Variants in SLC4A4 observed in about 807,000 individuals in gnomAD.
SLC4A4 encodes solute carrier family 4 member 4, also known as electrogenic sodium bicarbonate cotransporter 1.
A neutral mutation model predicts 111.5 loss-of-function variants in SLC4A4; 27 were observed. The ratio of observed to expected loss-of-function variants is 0.24; its 90% CI spans 0.18 to 0.33. The LOEUF is 0.33. SLC4A4 is among the 10% of genes least tolerant of loss of function. SLC4A4 has a pLI of 1.00. For missense variants in SLC4A4, 909 were observed against 1,315.5 expected (o/e 0.69, Z 4.78); for synonymous variants, 443 against 463.4 (o/e 0.96, Z 0.57).
chr4:71,420,984 A>T (rs546303278), intron 7 of SLC4A4, among the ~76,000 whole-genome samples: 195 of 148,146 alleles, frequency 1.3e-3, no homozygotes, highest in African/African-American at 4.6e-3. Context: ...CACACATAAC[A>T]ATATTAACTT....
intron 16 of SLC4A4, among the ~76,000 whole-genome samples, chr4:71,530,642 C>T (rs749322917): frequency 3.3e-5 from 5 of 152,106 alleles, no homozygotes; most frequent in Non-Finnish European, 7.4e-5. Flanking sequence ...AAGAAAGGAA[C>T]TCCAGGCCAA....
intron 2 of SLC4A4, among the ~76,000 whole-genome samples, chr4:71,141,814 A>G (rs2148966620): frequency 6.6e-6 from 1 of 152,348 alleles, no homozygotes; most frequent in African/African-American, 2.4e-5. Flanking sequence ...TAAAGTGAGA[A>G]CTAAAGTGAA....
intron 2 of SLC4A4, 91 bp from the exon 3 acceptor site, chr4:71,255,129 G>T: frequency 8.4e-7 from 1 of 1,193,030 alleles, no homozygotes; most frequent in South Asian, 1.2e-5. Context: ...TGAATTTATA[G>T]ACATTTTCTT....
intron 2 of SLC4A4, among the ~76,000 whole-genome samples, chr4:71,093,984 G>T (rs1201857767): frequency 6.6e-6 from 1 of 152,100 alleles, no homozygotes; most frequent in Non-Finnish European, 1.5e-5. Context: ...TTAACCAGCA[G>T]TTGGTGTTGG....
chr4:71,537,685 C>G (rs560125405), intron 18 of SLC4A4, among the ~76,000 whole-genome samples: 1 of 151,874 alleles, frequency 6.6e-6, no homozygotes, highest in African/African-American at 2.4e-5. Flanking sequence ...CATGTGTTCC[C>G]ACTATCTTTC....
At chr4:71,192,471 G>A (rs1035950485) in intron 1 of SLC4A4, among the ~76,000 whole-genome samples, 1 of 152,230 alleles carries the variant, frequency 6.6e-6, no homozygotes, top group African/African-American at 2.4e-5. Context: ...AGTAGAAGAC[G>A]AAAATGGGCT....
intron 12 of SLC4A4, among the ~76,000 whole-genome samples, chr4:71,458,549 G>A (rs1044839616): frequency 6.6e-5 from 10 of 151,998 alleles, no homozygotes; most frequent in African/African-American, 2.4e-4. Context: ...TGTGAATTTT[G>A]TGATATTTAT....
chr4:71,176,573 G>T (rs906522121), intron 2 of SLC4A4, among the ~76,000 whole-genome samples: 6 of 152,182 alleles, frequency 3.9e-5, no homozygotes, highest in Non-Finnish European at 7.3e-5. Flanking sequence ...GGAAGAAAGG[G>T]TATCAGTGAT....
At chr4:71,202,046 A>G (rs565766077) in intron 1 of SLC4A4, among the ~76,000 whole-genome samples, 35 of 152,184 alleles carry the variant, frequency 2.3e-4, no homozygotes, top group Non-Finnish European at 4.3e-4. Flanking sequence ...TAACCAGGGG[A>G]TAGTGTCCAG....
intron 7 of SLC4A4, among the ~76,000 whole-genome samples, chr4:71,425,637 A>G (rs989567715): frequency 6.6e-6 from 1 of 152,100 alleles, no homozygotes; most frequent in Non-Finnish European, 1.5e-5. Context: ...CAGTCAATAC[A>G]TGTAAGATGT....
intron 16 of SLC4A4, among the ~76,000 whole-genome samples, chr4:71,516,527 G>A (rs954855807): frequency 1.3e-5 from 2 of 152,170 alleles, no homozygotes; most frequent in African/African-American, 4.8e-5. Context: ...GGGTGTGAGT[G>A]ACCCAGTGCA....
At chr4:71,302,971 A>G (rs1725389228) in intron 3 of SLC4A4, among the ~76,000 whole-genome samples, 1 of 152,108 alleles carries the variant, frequency 6.6e-6, no homozygotes, top group South Asian at 2.1e-4. Flanking sequence ...TGTAGTAATC[A>G]CTTTTTTCTG....
rs560329216 is a variant in SLC4A4 at position 71,121,236 on chromosome 4, G to A, written c.-2+28444G>A. Among the ~76,000 whole-genome samples the A allele has an allele frequency of 5.9e-5, 9 of 151,274 alleles. No individual in the cohort carries two copies. In the South Asian group the frequency reaches 1.7e-3, roughly 28 times the overall value. ...TTCCCTCCCCCCTCCCCTTGGCTGT[G>A]GGCTCCCATGCTGCCCGAGACTCCC... On this transcript the variant is annotated intron_variant, in intron 2 of 26. Transcript: ENST00000649996.
chr4:71,425,905 A>T (rs1372378511), intron 7 of SLC4A4, among the ~76,000 whole-genome samples: 3 of 152,106 alleles, frequency 2.0e-5, no homozygotes, highest in Admixed American at 2.0e-4. Context: ...AATGTTTCTT[A>T]GCAGACTTAA....
intron 3 of SLC4A4, among the ~76,000 whole-genome samples, chr4:71,256,491 G>A (rs1293861535): frequency 1.3e-5 from 2 of 152,180 alleles, no homozygotes; most frequent in African/African-American, 4.8e-5. Context: ...AGAAATACAG[G>A]TGGACCATCG....
intron 20 of SLC4A4, among the ~76,000 whole-genome samples, chr4:71,549,520 T>G (rs915579576): frequency 6.6e-6 from 1 of 151,890 alleles, no homozygotes; most frequent in Non-Finnish European, 1.5e-5. Flanking sequence ...ATGGGCAGAA[T>G]CTTTTCATCA....
intron 3 of SLC4A4, among the ~76,000 whole-genome samples, chr4:71,337,819 T>TTTAATTAATTAA (rs563934128): frequency 6.6e-6 from 1 of 151,588 alleles, no homozygotes; most frequent in African/African-American, 2.4e-5. Flanking sequence ...ATTTTTGACA[T>TTTAATTAATTAA]TTAATTAATT....
intron 2 of SLC4A4, among the ~76,000 whole-genome samples, chr4:71,116,443 C>T (rs16845785): frequency 0.078 from 11,818 of 152,260 alleles, 500 homozygotes; most frequent in South Asian, 0.13. Flanking sequence ...AGCTCCTGCA[C>T]ACCTACAGCC....
At chr4:71,345,651 A>G (rs1729261608) in intron 4 of SLC4A4, among the ~76,000 whole-genome samples, 1 of 151,984 alleles carries the variant, frequency 6.6e-6, no homozygotes, top group Non-Finnish European at 1.5e-5. Flanking sequence ...ATTTAAGGGC[A>G]TGGCCATTAA....
Sources: allele counts gnomAD v4.1 joint callset (sites outside exome capture counted in the v4.1 genomes callset), GRCh38; gene constraint gnomAD v4.1.1; transcripts MANE v1.5; gene names NCBI Gene and HGNC (gene_info 2026-07-23, HGNC 2026-07-21).